The following ANKFN1 variants were observed in gnomAD, a reference collection of about 807,000 sequenced individuals.
ANKFN1 encodes ankyrin repeat and fibronectin type-III domain-containing protein 1.
ANKFN1 carries 74 observed loss-of-function variants against 108.7 expected under a neutral mutation model. The observed-to-expected ratio is 0.68, with a 90% CI of 0.56 to 0.83. The LOEUF is 0.83. Among genes scored for constraint, ANKFN1 ranks in the 40% least tolerant of loss-of-function variants. The probability of loss-of-function intolerance (pLI) is 0.00; values close to 1 mark genes in which losing one functional copy is unlikely to be tolerated. For synonymous variants in ANKFN1, 547 were observed against 516.2 expected, an observed-to-expected ratio of 1.06 and a Z score of -0.81; for missense variants, 1,505 against 1,382.3, an observed-to-expected ratio of 1.09 and a Z score of -1.41.
intron 4 of ANKFN1, among the ~76,000 whole-genome samples, chr17:56,136,544 G>C (rs1907610632): frequency 6.6e-6 from 1 of 151,692 alleles, no homozygotes; most frequent in Non-Finnish European, 1.5e-5. Flanking sequence ...GTTTTTGTCA[G>C]AGAGAGGAAA....
chr17:56,246,413 T>C (rs1193074622), intron 3 of ANKFN1, among the ~76,000 whole-genome samples: 2 of 152,158 alleles, frequency 1.3e-5, no homozygotes, highest in Non-Finnish European at 2.9e-5. Flanking sequence ...CCCTAACAGA[T>C]ACATTATAAT....
At chr17:56,260,705 G>T (rs1434595330) in intron 3 of ANKFN1, among the ~76,000 whole-genome samples, 1 of 152,162 alleles carries the variant, frequency 6.6e-6, no homozygotes, top group Non-Finnish European at 1.5e-5. Context: ...TGAAACAATT[G>T]ATGAATCCCT....
rs113624313 is a variant in ANKFN1 at position 56,489,268 on chromosome 17, T to C, written c.2261-2919T>C. On this transcript the variant is annotated intron_variant, in intron 18 of 20. Coordinates refer to ENST00000682825, the MANE Select transcript of ANKFN1 (RefSeq NM_001370326.1). ...TTAACAAATCATGTGGTCCAGCTAATGACATTATTGTAGCCTTATACCATT... is the reference window on the plus strand; with the variant it reads ...TTAACAAATCATGTGGTCCAGCTAACGACATTATTGTAGCCTTATACCATT... Among the ~76,000 whole-genome samples the C allele has an allele frequency of 1.5e-3, 221 of 152,296 alleles. 1 individual carries two copies. The highest frequency in any genetic ancestry group is 4.9e-3 in the African/African-American group (203 of 41,568).
Position 56,302,294 on chromosome 17 carries a change from G to A in ANKFN1, c.54-23927G>A, listed in dbSNP as rs62073048. Among the ~76,000 whole-genome samples, 4 of 152,156 alleles carry A rather than the reference G, an allele frequency of 2.6e-5. No individual in the cohort carries two copies. In the South Asian group the frequency reaches 8.3e-4, roughly 32 times the overall value. ...AATCCCGTTCCTTGGGGAGCCTGAG[G>A]CAGGAGGATCACTTGAGACCAGGAG... On this transcript the variant is annotated intron_variant, in intron 3 of 20. Transcript: ENST00000682825.
intron 1 of ANKFN1, among the ~76,000 whole-genome samples, chr17:56,175,341 C>A (rs761575994): frequency 1.3e-5 from 2 of 151,892 alleles, no homozygotes; most frequent in Non-Finnish European, 2.9e-5. Flanking sequence ...AACTAACAAA[C>A]AAAAAAATAA....
chr17:56,210,061 C>CATAGATAGATAGATAGATAG (rs57680665), intron 1 of ANKFN1, among the ~76,000 whole-genome samples: 10 of 148,002 alleles, frequency 6.8e-5, no homozygotes, highest in East Asian at 6.0e-4. Context: ...TAGATAGATA[C>CATAGATAGATAGATAGATAG]ATAGATAGAT....
chr17:56,399,740 G>A (rs912456191), intron 8 of ANKFN1, among the ~76,000 whole-genome samples: 4 of 151,216 alleles, frequency 2.6e-5, no homozygotes, highest in Non-Finnish European at 5.9e-5. Flanking sequence ...TTGGCTTTCC[G>A]TTTCTGAGTT....
rs1371582778 is a variant in ANKFN1, at chr17:56,372,689, C to A, written c.645C>A (p.Val215=). Residue 215 remains valine, a synonymous_variant, in exon 7 of 21, where the codon GTC becomes GTA. Coordinates refer to ENST00000682825, the MANE Select transcript of ANKFN1 (RefSeq NM_001370326.1). The part of the protein sequence containing the change: ...ESRAMHLNTL[V]QEAQERVSEL... ...GAGCAATGCACCTCAACACACTGGT[C>A]CAGGAAGCCCAGGAGAGGGTGAGTG... is the stretch of plus-strand genomic sequence containing the variant. The A allele has an allele frequency of 6.2e-7, 1 of 1,613,700 alleles. No homozygotes were observed. Among genetic ancestry groups the A allele is most frequent in the African/African-American group, 1.3e-5 (1 of 74,872 alleles).
At chr17:56,394,821 A>T (rs937825603) in intron 8 of ANKFN1, among the ~76,000 whole-genome samples, 1 of 152,192 alleles carries the variant, frequency 6.6e-6, no homozygotes, top group African/African-American at 2.4e-5. Context: ...TTTTCTCTTG[A>T]ATCATTTTTG....
At chr17:56,302,691 A>G (rs557924464) in intron 3 of ANKFN1, among the ~76,000 whole-genome samples, 10 of 152,318 alleles carry the variant, frequency 6.6e-5, no homozygotes, top group Admixed American at 6.5e-4. Flanking sequence ...CCCACAAGAT[A>G]ACCATGTTAA....
At chr17:56,199,267 CA>C (rs35028021) in intron 1 of ANKFN1, among the ~76,000 whole-genome samples, 31,005 of 128,670 alleles carry the variant, frequency 0.24, 7,004 homozygotes, top group African/African-American at 0.61. Flanking sequence ...ATTGCTGTTA[CA>C]AAAAAAAAAA....
intron 3 of ANKFN1, among the ~76,000 whole-genome samples, chr17:56,316,852 C>T (rs925095179): frequency 1.3e-5 from 2 of 152,090 alleles, no homozygotes; most frequent in Admixed American, 6.6e-5. Flanking sequence ...TTAAAAAGCA[C>T]CAGTCCCACT....
chr17:56,405,869 T>G (rs8072155), intron 8 of ANKFN1, among the ~76,000 whole-genome samples: 114,848 of 151,992 alleles, frequency 0.76, 43,587 homozygotes, highest in East Asian at 0.96. Context: ...CATAAACTCT[T>G]GGAAGATGTA....
At position 56,477,566 on chromosome 17, in the gene ANKFN1, T is replaced by A. The variant is rs768726533; in HGVS notation, c.1852T>A (p.Ser618Thr). 10 of 1,613,540 alleles carry A rather than the reference T, an allele frequency of 6.2e-6. No homozygotes were observed. The highest frequency in any genetic ancestry group is 1.6e-4 in the Middle Eastern group (1 of 6,080). ...TCTGGGTTACCTAAAGCTCTGTAGC[T>A]CTGTGGATCAAATCAAAGTTCTTGT... is the stretch of plus-strand genomic sequence containing the variant. ...LYLGYLKLCSSVDQIKVLVTQ... is the reference protein window; with the variant it reads ...LYLGYLKLCSTVDQIKVLVTQ... Residue 618 changes from serine (S) to threonine (T), a missense_variant, in exon 16 of 21, where the codon TCT becomes ACT. Coordinates refer to ENST00000682825, the MANE Select transcript of ANKFN1 (RefSeq NM_001370326.1).
intron 8 of ANKFN1, among the ~76,000 whole-genome samples, chr17:56,418,211 T>G (rs1054091538): frequency 2.0e-5 from 3 of 152,214 alleles, no homozygotes; most frequent in Non-Finnish European, 4.4e-5. Flanking sequence ...GACACTGTGG[T>G]GATAAATTCT....
At chr17:56,126,298 G>T (rs199743169) in intron 4 of ANKFN1, among the ~76,000 whole-genome samples, 1 of 77,400 alleles carries the variant, frequency 1.3e-5, no homozygotes, top group Non-Finnish European at 2.5e-5. Flanking sequence ...AAAAAGGGGG[G>T]GCTATTTCTT....
rs145189143 is a variant in ANKFN1, at chr17:56,453,401, C to G, written c.1208-3460C>G. ...ATTTATTGTGCATTTGCTTGTTTTT[C>G]TATATGGCTATAATAATTAATCCCC... On this transcript the variant is annotated intron_variant, in intron 11 of 20. Coordinates refer to ENST00000682825, the MANE Select transcript of ANKFN1 (RefSeq NM_001370326.1). 2.0e-4 allele frequency among the ~76,000 whole-genome samples: 30 copies of G among 152,184 alleles called. 1 individual carries two copies. In the East Asian group the frequency reaches 5.8e-3, roughly 29 times the overall value.
At chr17:56,125,999 G>A (rs8065311) in intron 4 of ANKFN1, among the ~76,000 whole-genome samples, 4 of 152,032 alleles carry the variant, frequency 2.6e-5, no homozygotes, top group African/African-American at 7.2e-5. Flanking sequence ...AAATTTGCAC[G>A]GGGAAGCATT....
At chr17:56,331,218 A>T (rs1207498347) in intron 4 of ANKFN1, among the ~76,000 whole-genome samples, 1 of 152,174 alleles carries the variant, frequency 6.6e-6, no homozygotes, top group Non-Finnish European at 1.5e-5. Context: ...TATGCATGGG[A>T]ACAGGAGCAA....
Sources: gnomAD v4.1 joint callset for allele counts (sites outside exome capture counted in the v4.1 genomes callset) on GRCh38, gnomAD v4.1.1 for gene constraint, MANE v1.5 for transcripts, NCBI Gene and HGNC (gene_info 2026-07-23, HGNC 2026-07-21) for gene names.